The following PIK3R5 variants were observed in gnomAD, a reference collection of about 807,000 sequenced individuals.
PIK3R5 encodes the protein phosphoinositide-3-kinase regulatory subunit 5, also known as phosphoinositide 3-kinase regulatory subunit 5.
Under a neutral mutation model 94.9 loss-of-function variants are expected in PIK3R5, and 32 were observed. The ratio of observed to expected loss-of-function variants is 0.34; its 90% CI spans 0.25 to 0.45. The LOEUF (loss-of-function observed/expected upper bound fraction) is 0.45, where lower values mean the gene tolerates loss of function less well. Among genes scored for constraint, PIK3R5 ranks in the 20% least tolerant of loss-of-function variants. The probability of loss-of-function intolerance (pLI) is 1.00; values close to 1 mark genes in which losing one functional copy is unlikely to be tolerated. For synonymous variants in PIK3R5, 443 were observed against 479.4 expected, an observed-to-expected ratio of 0.92 and a Z score of 0.99; for missense variants, 853 against 1,144.6, an observed-to-expected ratio of 0.75 and a Z score of 3.68.
rs1341045781 is a variant in PIK3R5, at chr17:8,880,804, G to T, written c.2496-18C>A. 6.2e-7 allele frequency: 1 copy of T among 1,612,896 alleles called. No individual in the cohort carries two copies. The highest frequency in any genetic ancestry group is 2.2e-5 in the East Asian group (1 of 44,850). The stretch of plus-strand genomic sequence containing the variant: ...CCTCACATCTGTGCAGCAGGGCAGG[G>T]GCCAGGGATCAGAGCAGGCCCCCAT... On this transcript the variant is annotated intron_variant, in intron 18 of 18. Transcript: ENST00000447110.
intron 1 of PIK3R5, among the ~76,000 whole-genome samples, chr17:8,926,823 A>C (rs772254484): frequency 2.6e-5 from 4 of 152,200 alleles, no homozygotes; most frequent in African/African-American, 4.8e-5. Flanking sequence ...TCTGGGAGGT[A>C]AAAATAGGAA....
chr17:8,899,352 C>T (rs1308937827), intron 5 of PIK3R5, among the ~76,000 whole-genome samples: 2 of 152,202 alleles, frequency 1.3e-5, no homozygotes, highest in Non-Finnish European at 2.9e-5. Context: ...GGAGGGCCCA[C>T]CTCCCCACGT....
chr17:8,957,494 C>T (rs78171661), intron 1 of PIK3R5, among the ~76,000 whole-genome samples: 8,042 of 152,252 alleles, frequency 0.053, 259 homozygotes, highest in Non-Finnish European at 0.066. Flanking sequence ...AGAAAAACCT[C>T]GCTACTTCTT....
Position 8,945,125 on chromosome 17 carries a change from C to A in PIK3R5, c.-14+20471G>T, listed in dbSNP as rs114312214. ...TGTTTCAGCTGTGGCAGGCTTCTAG[C>A]CAAACCCTGGCTCGGCCCCTCACCC... On this transcript the variant is annotated intron_variant, in intron 1 of 18. Coordinates refer to ENST00000447110, the MANE Select transcript of PIK3R5 (RefSeq NM_001142633.3). This position sits in a 1 kb window ranked among gnomAD's most constrained non-coding sequence, Gnocchi z 4.0. Among the ~76,000 whole-genome samples, 748 of 152,238 alleles carry A rather than the reference C, an allele frequency of 4.9e-3. 4 individuals are homozygous for A. Among genetic ancestry groups the A allele is most frequent in the African/African-American group, 0.017 (705 of 41,522 alleles).
Position 8,896,889 on chromosome 17 carries a change from G to A in PIK3R5, c.413-3234C>T, listed in dbSNP as rs1287742629. Among the ~76,000 whole-genome samples the A allele has an allele frequency of 2.6e-5, 4 of 152,216 alleles. No homozygotes were observed. The East Asian group carries it at 5.8e-4, about 22-fold the overall frequency. Reference sequence around the variant, plus strand: ...ACGGAATCAACAGGGTGGAAGCAGAGCCCGGCCCCAACGGCATTGCAATCT... The same window carrying A: ...ACGGAATCAACAGGGTGGAAGCAGAACCCGGCCCCAACGGCATTGCAATCT... On this transcript the variant is annotated intron_variant, in intron 5 of 18. Transcript: ENST00000447110. This position sits in a 1 kb window ranked among gnomAD's most constrained non-coding sequence, Gnocchi z 4.0.
chr17:8,889,113 G>T lies in PIK3R5; in HGVS notation c.895+26C>A, dbSNP rs1483086485. 6.2e-7 allele frequency: 1 copy of T among 1,605,042 alleles called. No homozygotes were observed. Among genetic ancestry groups the T allele is most frequent in the South Asian group, 1.1e-5 (1 of 90,256 alleles). ...ACAGCTCAGGCAGTGTGGGGCATGG[G>T]TGTCACCAGGGCCCCGGCTCCTTAC... On this transcript the variant is annotated intron_variant, in intron 9 of 18. Coordinates refer to ENST00000447110, the MANE Select transcript of PIK3R5 (RefSeq NM_001142633.3). This position sits in a 1 kb window ranked among gnomAD's most constrained non-coding sequence, Gnocchi z 4.1.
At chr17:8,919,171 T>C (rs975269732) in intron 1 of PIK3R5, among the ~76,000 whole-genome samples, 1 of 152,240 alleles carries the variant, frequency 6.6e-6, no homozygotes, top group African/African-American at 2.4e-5. Flanking sequence ...GGGGAAAATA[T>C]GCTAAGATTC....
Position 8,964,098 on chromosome 17 carries a change from T to C in PIK3R5, c.-14+1498A>G, listed in dbSNP as rs1047533403. On this transcript the variant is annotated intron_variant, in intron 1 of 18. Transcript: ENST00000447110. Reference sequence around the variant, plus strand: ...TCTCATCATACATGCCTCACTTAATTTTCCACACTGGGCCAGGCACAGTGG... The same window carrying C: ...TCTCATCATACATGCCTCACTTAATCTTCCACACTGGGCCAGGCACAGTGG... 2.0e-5 allele frequency among the ~76,000 whole-genome samples: 3 copies of C among 152,048 alleles called. No homozygotes were observed. The East Asian group carries it at 5.8e-4, about 29-fold the overall frequency.
Position 8,904,807 on chromosome 17 carries a change from T to G in PIK3R5, c.382A>C (p.Thr128Pro). 6.2e-7 allele frequency: 1 copy of G among 1,614,128 alleles called. No individual in the cohort carries two copies. Among genetic ancestry groups the G allele is most frequent in the Non-Finnish European group, 8.5e-7 (1 of 1,180,016 alleles). ...GCCTTGAGTTCAGCATCAATGAAGG[T>G]GAGCAGCTCCTGGCAGATGCTGCAG... ...PYCSICQELL[T>P]FIDAELKAPG... The change falls in exon 5 of 19, where the codon ACC (threonine) becomes CCC (proline). Residue 128 changes from threonine (T) to proline (P), a missense_variant. Around this residue, in one of 6 missense-constraint regions of PIK3R5, gnomAD observed 108 missense variants for 170.1 expected, o/e 0.63. Coordinates refer to ENST00000447110, the MANE Select transcript of PIK3R5 (RefSeq NM_001142633.3). The surrounding 1 kb of genome is among the most constrained non-coding windows in gnomAD (Gnocchi z 5.1).
At chr17:8,965,086 T>A (rs2091644480) in intron 1 of PIK3R5, among the ~76,000 whole-genome samples, 1 of 151,900 alleles carries the variant, frequency 6.6e-6, no homozygotes, top group South Asian at 2.1e-4. Context: ...GCAGAAAGCG[T>A]GCAGTTCTCT....
intron 5 of PIK3R5, among the ~76,000 whole-genome samples, chr17:8,903,765 A>C (rs1005952206): frequency 3.9e-5 from 6 of 152,154 alleles, no homozygotes; most frequent in Non-Finnish European, 7.4e-5. Flanking sequence ...ATGCTGGTTT[A>C]TAAAAAAAGC....
chr17:8,907,628 CAAA>C lies in PIK3R5; in HGVS notation c.204+1443_204+1445del, dbSNP rs1231640150. On this transcript the variant is annotated intron_variant, in intron 3 of 18. Coordinates refer to ENST00000447110, the MANE Select transcript of PIK3R5 (RefSeq NM_001142633.3). ...TGCATTGGTTTTTATCTTTTTTTAA[CAAA>C]AAAAAAAAAAAAGAGAGAGAGAGAG... 3.2e-5 allele frequency among the ~76,000 whole-genome samples: 3 copies of C among 94,726 alleles called. No homozygotes were observed. The Admixed American group carries it at 3.4e-4, about 11-fold the overall frequency. 62.1% of individuals were successfully genotyped at this position (94,726 alleles called of 152,430 possible).
At position 8,909,100 on chromosome 17, in the gene PIK3R5, C is replaced by T. The variant is rs1294134354; in HGVS notation, c.178G>A (p.Glu60Lys). The change falls in exon 3 of 19, where the codon GAG (glutamate) becomes AAG (lysine). Residue 60 changes from glutamate (E) to lysine (K), a missense_variant. Physicochemically the swap from Glu to Lys is moderately conservative, Grantham distance 56 (BLOSUM62 1). Coordinates refer to ENST00000447110, the MANE Select transcript of PIK3R5 (RefSeq NM_001142633.3). This position sits in a 1 kb window ranked among gnomAD's most constrained non-coding sequence, Gnocchi z 4.3. Reference protein sequence around the residue: ...RDPGHFLILLEQILQKTREVQ... With the variant: ...RDPGHFLILLKQILQKTREVQ... Reference sequence around the variant, plus strand: ...TCTCGGGTCTTCTGCAGGATCTGCTCAAGGAGGATAAGGAAGTGGCCCGGG... The same window carrying T: ...TCTCGGGTCTTCTGCAGGATCTGCTTAAGGAGGATAAGGAAGTGGCCCGGG... The T allele has an allele frequency of 6.2e-7, 1 of 1,609,296 alleles. No homozygotes were observed. The highest frequency in any genetic ancestry group is 1.7e-5 in the Admixed American group (1 of 59,750).
At chr17:8,898,839 T>C (rs1567643070) in intron 5 of PIK3R5, among the ~76,000 whole-genome samples, 1 of 152,228 alleles carries the variant, frequency 6.6e-6, no homozygotes, top group Non-Finnish European at 1.5e-5. Flanking sequence ...GTGTTCCCTC[T>C]TTCATACTTC....
intron 4 of PIK3R5, 144 bp from the exon 5 acceptor site, chr17:8,905,059 G>A (rs1004952415): frequency 7.1e-5 from 62 of 873,416 alleles, no homozygotes; most frequent in Non-Finnish European, 9.7e-5. Context: ...AAGGTCAGGT[G>A]GAACTGGAAG....
chr17:8,911,420 G>A lies in PIK3R5; in HGVS notation c.75C>T (p.Ser25=), dbSNP rs756012335. 1.3e-6 allele frequency: 2 copies of A among 1,599,868 alleles called. No homozygotes were observed. The highest frequency in any genetic ancestry group is 1.7e-5 in the Admixed American group (1 of 60,010). The change falls in exon 2 of 19, where the codon AGC becomes AGT. Residue 25 remains serine (S), a synonymous_variant. Transcript: ENST00000447110. The surrounding 1 kb of genome is among the most constrained non-coding windows in gnomAD (Gnocchi z 5.3). ...ACCAGGAGGTGGAGCGGCGGCTGAG[G>A]CTGAGTCCATGCAGGCAGCGTTCCA... ...HALERCLHGL[S]LSRRSTSWSA...
chr17:8,897,820 G>A (rs962037237), intron 5 of PIK3R5, among the ~76,000 whole-genome samples: 1 of 152,278 alleles, frequency 6.6e-6, no homozygotes, highest in East Asian at 1.9e-4. Flanking sequence ...TGAAGATGGT[G>A]ACTTTTGCCA....
At chr17:8,943,084 T>G (rs990728457) in intron 1 of PIK3R5, among the ~76,000 whole-genome samples, 4 of 151,728 alleles carry the variant, frequency 2.6e-5, no homozygotes, top group African/African-American at 9.7e-5. Context: ...TTCTTTTTTT[T>G]TTCGTCAGGA....
intron 1 of PIK3R5, among the ~76,000 whole-genome samples, chr17:8,929,592 T>C (rs185991659): frequency 3.7e-4 from 57 of 152,288 alleles, no homozygotes; most frequent in African/African-American, 1.3e-3. Context: ...CTCATAATTA[T>C]AAGTGGGGAC....
Sources: allele counts gnomAD v4.1 joint callset (sites outside exome capture counted in the v4.1 genomes callset), GRCh38; gene constraint gnomAD v4.1.1; regional missense constraint gnomAD v4.1.1; non-coding constraint Gnocchi (gnomAD v3.1); transcripts MANE v1.5; gene names NCBI Gene and HGNC (gene_info 2026-07-23, HGNC 2026-07-21).